USP19: variants seen among roughly 807,000 people sequenced by gnomAD.
USP19 encodes the protein ubiquitin carboxyl-terminal hydrolase 19.
USP19 carries 40 observed loss-of-function variants against 144.8 expected under a neutral mutation model. The ratio of observed to expected loss-of-function variants is 0.28; its 90% CI spans 0.21 to 0.36. USP19 has a LOEUF of 0.36. Ranked by LOEUF, USP19 falls within the 10% of genes least tolerant of loss-of-function variation. USP19 has a pLI of 1.00. For synonymous variants in USP19, 701 were observed against 709.3 expected, an observed-to-expected ratio of 0.99 and a Z score of 0.19; for missense variants, 1,518 against 1,822.5, an observed-to-expected ratio of 0.83 and a Z score of 3.04.
Position 49,111,888 on chromosome 3 carries a change from T to A in USP19, c.2903+23A>T. ...ACCTCTGCCCCCACCTACACCACTC[T>A]AGTCCAACCACTGGGCACTTACCGG... On this transcript the variant is annotated intron_variant, in intron 20 of 26. Transcript: ENST00000417901. The surrounding 1 kb of genome is among the most constrained non-coding windows in gnomAD (Gnocchi z 5.9). 1 of 1,613,406 alleles carries A rather than the reference T, an allele frequency of 6.2e-7. No homozygotes were observed. Among genetic ancestry groups the A allele is most frequent in the East Asian group, 2.2e-5 (1 of 44,884 alleles).
At position 49,115,189 on chromosome 3, in the gene USP19, C is replaced by A. The variant is rs1458446178; in HGVS notation, c.2022+39G>T. 1 of 1,613,016 alleles carries A rather than the reference C, an allele frequency of 6.2e-7. No homozygotes were observed. The highest frequency in any genetic ancestry group is 8.5e-7 in the Non-Finnish European group (1 of 1,179,684). On this transcript the variant is annotated intron_variant, in intron 13 of 26. Transcript: ENST00000417901. The surrounding 1 kb of genome is among the most constrained non-coding windows in gnomAD (Gnocchi z 6.6). ...GCACACCCAGCTGGCTGGCCCTCCC[C>A]GCCCCCTCCAGCCAAGGGTGACAGT...
Position 49,111,054 on chromosome 3 carries a change from C to T in USP19, c.3441G>A (p.Glu1147=). The change falls in exon 23 of 27, where the codon GAG becomes GAA. Residue 1147 remains glutamate, a synonymous_variant. Transcript: ENST00000417901. The surrounding 1 kb of genome is among the most constrained non-coding windows in gnomAD (Gnocchi z 5.9). ...LVASKELECA[E]DPGSAGEAAR... is the part of the protein sequence containing the mutation. ...CAGCCTCACCGGCAGAGCCTGGATC[C>T]TCAGCACATTCCAGCTCCTTGGAGG... 1 of 1,614,078 alleles carries T rather than the reference C, an allele frequency of 6.2e-7. No homozygotes were observed. The highest frequency in any genetic ancestry group is 8.5e-7 in the Non-Finnish European group (1 of 1,180,028).
At chr3:49,119,415 T>A in intron 1 of USP19, 134 bp from the exon 2 acceptor site, 1 of 359,808 alleles carries the variant, frequency 2.8e-6, no homozygotes. Context: ...CTGGACACTC[T>A]CAGGATATTC....
Position 49,110,369 on chromosome 3 carries a change from C to A in USP19, c.3860-7G>T. On this transcript the variant is annotated splice_polypyrimidine_tract_variant and splice_region_variant and intron_variant, in intron 25 of 26. Coordinates refer to ENST00000417901, the MANE Select transcript of USP19 (RefSeq NM_001199161.2). This position sits in a 1 kb window ranked among gnomAD's most constrained non-coding sequence, Gnocchi z 6.1. Reference sequence around the variant, plus strand: ...TCATCAAACAAGCGCCAGCCTACAGCAGGGTGGGAAGAGTGTGAACAAAGT... The same window carrying A: ...TCATCAAACAAGCGCCAGCCTACAGAAGGGTGGGAAGAGTGTGAACAAAGT... 1 of 1,595,162 alleles carries A rather than the reference C, an allele frequency of 6.3e-7. No individual in the cohort carries two copies.
At position 49,110,736 on chromosome 3, in the gene USP19, T is replaced by C. The variant is rs2043021496; in HGVS notation, c.3673A>G (p.Asn1225Asp). 6.2e-7 allele frequency: 1 copy of C among 1,614,060 alleles called. No homozygotes were observed. Among genetic ancestry groups the C allele is most frequent in the South Asian group, 1.1e-5 (1 of 91,084 alleles). Residue 1225 changes from asparagine to aspartate, a missense_variant, in exon 24 of 27, where the codon AAT becomes GAT. Asn to Asp is a conservative substitution (Grantham distance 23). Coordinates refer to ENST00000417901, the MANE Select transcript of USP19 (RefSeq NM_001199161.2). This position sits in a 1 kb window ranked among gnomAD's most constrained non-coding sequence, Gnocchi z 6.1. Reference protein sequence around the residue: ...FRSFIWRDKINDLVEFPVRNL... With the variant: ...FRSFIWRDKIDDLVEFPVRNL... ...CTAACAGGGAACTCCACCAAGTCAT[T>C]GATCTTGTCACGCCAGATAAAACTA... is the stretch of plus-strand genomic sequence containing the variant.
At position 49,112,332 on chromosome 3, in the gene USP19, T is replaced by C; in HGVS notation, c.2717A>G (p.Glu906Gly). ...ACQRKQQSED[E>G]KLKRCTRCYR... is the part of the protein sequence containing the mutation. ...GCACCGGGTACAGCGCTTCAGCTTT[T>C]CATCCTCCGACTGTTGCTTCCGCTG... Residue 906 changes from glutamate (E) to glycine (G), a missense_variant, in exon 19 of 27, where the codon GAA (glutamate) becomes GGA (glycine). Around this residue, in one of 5 missense-constraint regions of USP19, gnomAD observed 413 missense variants for 515.8 expected, o/e 0.80. Transcript: ENST00000417901. The surrounding 1 kb of genome is among the most constrained non-coding windows in gnomAD (Gnocchi z 4.9). The C allele has an allele frequency of 6.2e-7, 1 of 1,613,948 alleles. No homozygotes were observed.
At chr3:49,113,452 G>GT (rs2043519045) in intron 17 of USP19, among the ~76,000 whole-genome samples, 1 of 151,860 alleles carries the variant, frequency 6.6e-6, no homozygotes, top group South Asian at 2.1e-4. Flanking sequence ...AACTTTTCCT[G>GT]TATTTTTAGT....
In USP19 at chr3:49,110,027, T is replaced by C; in HGVS notation, c.4038+157A>G. 1.1e-6 allele frequency: 1 copy of C among 870,038 alleles called. No individual in the cohort carries two copies. The highest frequency in any genetic ancestry group is 1.6e-6 in the Non-Finnish European group (1 of 622,814). 53.9% of individuals were successfully genotyped at this position (870,038 alleles called of 1,614,324 possible). The stretch of plus-strand genomic sequence containing the variant: ...AGTGTCCCCAAGGCATGGGGATGCC[T>C]CTGGCTAAAGCTTTGATGTTAAGAG... On this transcript the variant is annotated intron_variant, in intron 26 of 26. Coordinates refer to ENST00000417901, the MANE Select transcript of USP19 (RefSeq NM_001199161.2). The surrounding 1 kb of genome is among the most constrained non-coding windows in gnomAD (Gnocchi z 6.1).
At chr3:49,118,481 G>T (rs1350162951) in intron 2 of USP19, among the ~76,000 whole-genome samples, 1 of 151,358 alleles carries the variant, frequency 6.6e-6, no homozygotes, top group Non-Finnish European at 1.5e-5. Flanking sequence ...GGCTACTTGG[G>T]AGGCTGAGGC....
chr3:49,117,015 T>C lies in USP19; in HGVS notation c.909+44A>G, dbSNP rs2044255479. ...GTGGCTCCCACTCCAGTGCACACCC[T>C]TTCCCCCCATCTCCTAACACCCAAA... is the stretch of plus-strand genomic sequence containing the variant. On this transcript the variant is annotated intron_variant, in intron 6 of 26. Coordinates refer to ENST00000417901, the MANE Select transcript of USP19 (RefSeq NM_001199161.2). This position sits in a 1 kb window ranked among gnomAD's most constrained non-coding sequence, Gnocchi z 4.4. 1 of 1,542,644 alleles carries C rather than the reference T, an allele frequency of 6.5e-7. No homozygotes were observed.
At position 49,110,319 on chromosome 3, in the gene USP19, C is replaced by T. The variant is rs773515327; in HGVS notation, c.3903G>A (p.Glu1301=). ...FDDSTVTTVD[E]SQVVTRYAYV... ...AGGCATAACGCGTCACAACCTGGCT[C>T]TCGTCTACCGTTGTCACTGTGCTGT... Residue 1301 remains glutamate (E), a synonymous_variant, in exon 26 of 27, where the codon GAG becomes GAA. Transcript: ENST00000417901. The surrounding 1 kb of genome is among the most constrained non-coding windows in gnomAD (Gnocchi z 6.1). 9 of 1,604,706 alleles carry T rather than the reference C, an allele frequency of 5.6e-6. No individual in the cohort carries two copies. Among genetic ancestry groups the T allele is most frequent in the Non-Finnish European group, 6.8e-6 (8 of 1,174,002 alleles).
In USP19 at chr3:49,114,366, C is replaced by A; in HGVS notation, c.2293-82G>T. On this transcript the variant is annotated intron_variant, in intron 15 of 26. Coordinates refer to ENST00000417901, the MANE Select transcript of USP19 (RefSeq NM_001199161.2). This position sits in a 1 kb window ranked among gnomAD's most constrained non-coding sequence, Gnocchi z 4.5. ...CATGCTCAGAGAGCCCATTCCGGGG[C>A]TTCTGATGGCTCTCAGGGCCCCCAC... The A allele has an allele frequency of 7.3e-7, 1 of 1,367,604 alleles. No homozygotes were observed. Among genetic ancestry groups the A allele is most frequent in the Non-Finnish European group, 1.0e-6 (1 of 980,084 alleles). 84.7% of individuals were successfully genotyped at this position (1,367,604 alleles called of 1,614,324 possible). A position where few individuals can be genotyped will look rare whatever the true frequency, so the allele number is the denominator to read the frequency against.
At position 49,116,145 on chromosome 3, in the gene USP19, T is replaced by C; in HGVS notation, c.1373A>G (p.Glu458Gly). ...AGCCGTGAAACAGAAGGTGCACTGC[T>C]CTGGCTCAATCAGATTCCTGTGGGA... The part of the protein sequence containing the change: ...QVKLRNLIEP[E>G]QCTFCFTASR... Residue 458 changes from glutamate to glycine, a missense_variant, in exon 10 of 27, where the codon GAG becomes GGG. This residue lies in a region of USP19 where 707 missense variants were observed against 728.9 expected (regional missense o/e 0.97). Transcript: ENST00000417901. The surrounding 1 kb of genome is among the most constrained non-coding windows in gnomAD (Gnocchi z 5.0). 1 of 1,613,968 alleles carries C rather than the reference T, an allele frequency of 6.2e-7. No individual in the cohort carries two copies. The highest frequency in any genetic ancestry group is 8.5e-7 in the Non-Finnish European group (1 of 1,179,964).
chr3:49,108,685 A>G lies in USP19; in HGVS notation c.4039-157T>C. On this transcript the variant is annotated intron_variant, in intron 26 of 26. Transcript: ENST00000417901. This position sits in a 1 kb window ranked among gnomAD's most constrained non-coding sequence, Gnocchi z 4.8. ...CAGAGAGACGAGATTGGGCCTGAAT[A>G]GTCTGGTTTTATTAACACTTTTAAG... 7.7e-7 allele frequency: 1 copy of G among 1,306,716 alleles called. No individual in the cohort carries two copies. 80.9% of individuals were successfully genotyped at this position (1,306,716 alleles called of 1,614,324 possible). A position where few individuals can be genotyped will look rare whatever the true frequency, so the allele number is the denominator to read the frequency against.
At position 49,112,507 on chromosome 3, in the gene USP19, C is replaced by G; in HGVS notation, c.2628G>C (p.Val876=). ...LSSELAKERV[V]VLEVQQRPQV... ...CACTCACCTGTTGCACCTCTAGCACCACTACCCGCTCCTTAGCCAACTCTG... is the reference window on the plus strand; with the variant it reads ...CACTCACCTGTTGCACCTCTAGCACGACTACCCGCTCCTTAGCCAACTCTG... Residue 876 remains valine (V), a synonymous_variant, in exon 18 of 27, where the codon GTG becomes GTC. Coordinates refer to ENST00000417901, the MANE Select transcript of USP19 (RefSeq NM_001199161.2). This position sits in a 1 kb window ranked among gnomAD's most constrained non-coding sequence, Gnocchi z 4.9. The G allele has an allele frequency of 6.2e-7, 1 of 1,613,876 alleles. No homozygotes were observed. The highest frequency in any genetic ancestry group is 8.5e-7 in the Non-Finnish European group (1 of 1,179,852).
intron 26 of USP19, chr3:49,109,068 T>C (rs1035229733): frequency 8.7e-6 from 14 of 1,609,788 alleles, no homozygotes; most frequent in Non-Finnish European, 1.1e-5. Flanking sequence ...TCATCTGGTG[T>C]GGTAGGGCCA....
rs1435147870 is a variant in USP19 at position 49,116,123 on chromosome 3, C to G, written c.1395G>C (p.Thr465=). The G allele has an allele frequency of 1.2e-6, 2 of 1,613,420 alleles. No individual in the cohort carries two copies. The highest frequency in any genetic ancestry group is 8.5e-7 in the Non-Finnish European group (1 of 1,179,888). ...IEPEQCTFCF[T]ASRIDICLRK... ...GAAGGCAGATGTCGATGCGAGAAGC[C>G]GTGAAACAGAAGGTGCACTGCTCTG... Residue 465 remains threonine (T), a synonymous_variant, in exon 10 of 27, where the codon ACG becomes ACC. Transcript: ENST00000417901. The surrounding 1 kb of genome is among the most constrained non-coding windows in gnomAD (Gnocchi z 5.0).
At chr3:49,118,463 G>C (rs1329958496) in intron 2 of USP19, among the ~76,000 whole-genome samples, 1 of 151,956 alleles carries the variant, frequency 6.6e-6, no homozygotes, top group Non-Finnish European at 1.5e-5. Flanking sequence ...AGCTACTTGG[G>C]AGGCTGAGGC....
In USP19 at chr3:49,111,589, C is replaced by A. The variant is rs2043160747; in HGVS notation, c.3128G>T (p.Ser1043Ile). Reference protein sequence around the residue: ...WAAPDRGPVPSTSGISSEMLA... With the variant: ...WAAPDRGPVPITSGISSEMLA... The stretch of plus-strand genomic sequence containing the variant: ...CATCTCAGAAGAAATTCCACTGGTG[C>A]TGGGCACAGGACCCCGGTCAGGGGC... Residue 1043 changes from serine (S) to isoleucine (I), a missense_variant, in exon 21 of 27, where the codon AGC becomes ATC. Transcript: ENST00000417901. This position sits in a 1 kb window ranked among gnomAD's most constrained non-coding sequence, Gnocchi z 5.9. 1 of 1,612,898 alleles carries A rather than the reference C, an allele frequency of 6.2e-7. No individual in the cohort carries two copies. Among genetic ancestry groups the A allele is most frequent in the South Asian group, 1.1e-5 (1 of 91,040 alleles).
Sources: allele counts gnomAD v4.1 joint callset (sites outside exome capture counted in the v4.1 genomes callset), GRCh38; gene constraint gnomAD v4.1.1; regional missense constraint gnomAD v4.1.1; non-coding constraint Gnocchi (gnomAD v3.1); transcripts MANE v1.5; gene names NCBI Gene and HGNC (gene_info 2026-07-23, HGNC 2026-07-21).